The following TRAF3 variants were observed in gnomAD, a reference collection of about 807,000 sequenced individuals.
TRAF3 encodes the protein TNF receptor-associated factor 3.
TRAF3 carries 13 observed loss-of-function variants against 62.3 expected under a neutral mutation model. That is an observed-to-expected ratio of 0.21 (90% CI 0.14 to 0.33). The LOEUF is 0.33. Among genes scored for constraint, TRAF3 ranks in the 10% least tolerant of loss-of-function variants. The pLI is 1.00. For missense variants in TRAF3, 440 were observed against 741.8 expected (o/e 0.59, Z 4.73); for synonymous variants, 269 against 283.4 (o/e 0.95, Z 0.51).
intron 7 of TRAF3, 22 bp downstream of exon 7, chr14:102,886,291 C>T (rs780990207): frequency 1.8e-5 from 28 of 1,595,190 alleles, no homozygotes; most frequent in Middle Eastern, 2.2e-4. Flanking sequence ...CGGGCCCGGC[C>T]GGGAGTCTGT....
chr14:102,900,069 C>T (rs1296814247), intron 10 of TRAF3, among the ~76,000 whole-genome samples: 4 of 148,834 alleles, frequency 2.7e-5, no homozygotes, highest in Admixed American at 2.0e-4. Context: ...GTCCCAGCTA[C>T]TCGGGAGGCT....
chr14:102,886,031 G>A (rs1008729784), intron 6 of TRAF3, among the ~76,000 whole-genome samples, 158 bp from the exon 7 acceptor site: 11 of 152,194 alleles, frequency 7.2e-5, no homozygotes, highest in South Asian at 2.1e-4. Flanking sequence ...CTCACACTCC[G>A]TGACAATAAT....
chr14:102,886,710 C>G (rs910761278), intron 7 of TRAF3, among the ~76,000 whole-genome samples: 1 of 151,074 alleles, frequency 6.6e-6, no homozygotes, highest in African/African-American at 2.4e-5. Flanking sequence ...GAGCCGAGAT[C>G]ACACCACTGC....
At chr14:102,883,670 T>C (rs1889197311) in intron 6 of TRAF3, among the ~76,000 whole-genome samples, 1 of 152,086 alleles carries the variant, frequency 6.6e-6, no homozygotes, top group East Asian at 1.9e-4. Context: ...ACTGTAACCT[T>C]CGCCTCCCAG....
intron 1 of TRAF3, among the ~76,000 whole-genome samples, chr14:102,789,385 A>G (rs1253662538): frequency 6.6e-6 from 1 of 152,228 alleles, no homozygotes; most frequent in African/African-American, 2.4e-5. Flanking sequence ...TAGGAGTGGA[A>G]TTGCTGGTCA....
At chr14:102,840,338 C>G (rs547971210) in intron 2 of TRAF3, among the ~76,000 whole-genome samples, 1 of 152,288 alleles carries the variant, frequency 6.6e-6, no homozygotes, top group South Asian at 2.1e-4. Flanking sequence ...TCAAGTGATC[C>G]TCCAGCCTCA....
At chr14:102,832,051 G>A (rs1900723389) in intron 2 of TRAF3, among the ~76,000 whole-genome samples, 1 of 152,132 alleles carries the variant, frequency 6.6e-6, no homozygotes, top group Non-Finnish European at 1.5e-5. Flanking sequence ...ACTTGGGAAA[G>A]AAGTGTGAGA....
chr14:102,796,641 G>A (rs935871869), intron 1 of TRAF3, among the ~76,000 whole-genome samples: 1 of 152,212 alleles, frequency 6.6e-6, no homozygotes, highest in African/African-American at 2.4e-5. Flanking sequence ...AAAAACACAG[G>A]TTGAGAGAGT....
rs748019544 is a variant in TRAF3 at position 102,870,393 on chromosome 14, G to A, written c.192G>A (p.Lys64=). Residue 64 remains lysine, a synonymous_variant, in exon 3 of 12, where the codon AAG becomes AAA. Transcript: ENST00000392745. ...GCCACCTGGTGCTGTGCAGCCCGAA[G>A]CAGACCGAGTGTGGGCACCGCTTCT... ...EKCHLVLCSP[K]QTECGHRFCE... 6.2e-7 allele frequency: 1 copy of A among 1,614,198 alleles called. No individual in the cohort carries two copies. Among genetic ancestry groups the A allele is most frequent in the Admixed American group, 1.7e-5 (1 of 60,032 alleles).
chr14:102,853,672 C>T (rs1359009083), intron 2 of TRAF3, among the ~76,000 whole-genome samples: 2 of 151,804 alleles, frequency 1.3e-5, no homozygotes, highest in Non-Finnish European at 2.9e-5. Context: ...CCCATCTCTA[C>T]TAAAAATACA....
chr14:102,817,131 T>G (rs1457277737), intron 1 of TRAF3, among the ~76,000 whole-genome samples: 1 of 152,048 alleles, frequency 6.6e-6, no homozygotes, highest in Non-Finnish European at 1.5e-5. Context: ...TTTTTGATGC[T>G]CAAGTGGAGA....
intron 1 of TRAF3, among the ~76,000 whole-genome samples, chr14:102,814,353 T>C (rs567922617): frequency 3.3e-4 from 51 of 152,322 alleles, no homozygotes; most frequent in African/African-American, 1.1e-3. Context: ...TTGTAGTATA[T>C]TTTAAGGTTT....
chr14:102,826,281 G>A lies in TRAF3; in HGVS notation c.-156-4053G>A, dbSNP rs1210658743. 6.6e-6 allele frequency among the ~76,000 whole-genome samples: 1 copy of A among 152,158 alleles called. No homozygotes were observed. Among genetic ancestry groups the A allele is most frequent in the Non-Finnish European group, 1.5e-5 (1 of 68,026 alleles). ...TGTCTGGTGGAGCCGCCTCACAGAG[G>A]AACAAGTGAGTTGTGCGTGTGGAGC... is the stretch of plus-strand genomic sequence containing the variant. On this transcript the variant is annotated intron_variant, in intron 1 of 11. Transcript: ENST00000392745. The surrounding 1 kb of genome is among the most constrained non-coding windows in gnomAD (Gnocchi z 4.6).
chr14:102,797,509 A>C (rs549672959), intron 1 of TRAF3, among the ~76,000 whole-genome samples: 1 of 152,274 alleles, frequency 6.6e-6, no homozygotes, highest in South Asian at 2.1e-4. Context: ...CCTCCTGCAG[A>C]AACCCCGCAG....
intron 2 of TRAF3, among the ~76,000 whole-genome samples, chr14:102,837,151 G>C (rs969253683): frequency 1.2e-5 from 1 of 85,726 alleles, no homozygotes; most frequent in South Asian, 4.3e-4. Flanking sequence ...TGTTTTTTTT[G>C]GGGGGGGGTG....
chr14:102,830,146 G>C (rs1455374408), intron 1 of TRAF3, among the ~76,000 whole-genome samples, 188 bp from the exon 2 acceptor site: 1 of 152,214 alleles, frequency 6.6e-6, no homozygotes, highest in East Asian at 1.9e-4. Context: ...GGCCTGGCCA[G>C]ACACTGGGAG....
At position 102,817,524 on chromosome 14, in the gene TRAF3, C is replaced by G. The variant is rs923398498; in HGVS notation, c.-156-12810C>G. 2.6e-5 allele frequency among the ~76,000 whole-genome samples: 4 copies of G among 152,070 alleles called. No homozygotes were observed. In the East Asian group the frequency reaches 7.7e-4, roughly 29 times the overall value. On this transcript the variant is annotated intron_variant, in intron 1 of 11. Coordinates refer to ENST00000392745, the MANE Select transcript of TRAF3 (RefSeq NM_145725.3). ...TGCCAGAGTAGAGGGTGGACCTTGCCCATGGGATCTGGAGGGAGGGCAGAG... is the reference window on the plus strand; with the variant it reads ...TGCCAGAGTAGAGGGTGGACCTTGCGCATGGGATCTGGAGGGAGGGCAGAG...
chr14:102,855,657 G>C (rs184514201), intron 2 of TRAF3, among the ~76,000 whole-genome samples: 8 of 152,002 alleles, frequency 5.3e-5, no homozygotes, highest in Non-Finnish European at 1.0e-4. Flanking sequence ...TTAGCCAGGC[G>C]TGGTGGCACC....
chr14:102,834,531 A>C (rs992062026), intron 2 of TRAF3, among the ~76,000 whole-genome samples: 7 of 151,704 alleles, frequency 4.6e-5, no homozygotes, highest in African/African-American at 1.7e-4. Context: ...CTAAAAATAC[A>C]AAAAAATTAG....
Sources: gnomAD v4.1 joint callset for allele counts (sites outside exome capture counted in the v4.1 genomes callset) on GRCh38, gnomAD v4.1.1 for gene constraint, Gnocchi (gnomAD v3.1) non-coding constraint, MANE v1.5 for transcripts, NCBI Gene and HGNC (gene_info 2026-07-23, HGNC 2026-07-21) for gene names.